The following CDKL2 variants were observed in gnomAD, a reference collection of about 807,000 sequenced individuals.
CDKL2 encodes the protein cyclin-dependent kinase-like 2.
A neutral mutation model predicts 63.9 loss-of-function variants in CDKL2; 64 were observed. That is an observed-to-expected ratio of 1.00 (90% CI 0.82 to 1.23). CDKL2 has a LOEUF of 1.23. Among genes scored for constraint, CDKL2 ranks in the 50% most tolerant of loss-of-function variants. CDKL2 has a pLI of 0.00. For missense variants in CDKL2, 656 were observed against 668.0 expected (o/e 0.98, Z 0.20); for synonymous variants, 211 against 229.2 (o/e 0.92, Z 0.72).
intron 6 of CDKL2, 34 bp downstream of exon 6, chr4:75,603,783 C>A: frequency 6.6e-7 from 1 of 1,507,256 alleles, no homozygotes; most frequent in Non-Finnish European, 8.9e-7. Context: ...GCATAAATTC[C>A]CTGTCATAAA....
At chr4:75,622,726 A>C (rs1730207887) in intron 2 of CDKL2, among the ~76,000 whole-genome samples, 1 of 147,942 alleles carries the variant, frequency 6.8e-6, no homozygotes, top group Admixed American at 6.7e-5. Context: ...AAAAAAAAAA[A>C]AAAAAAAAAA....
intron 3 of CDKL2, among the ~76,000 whole-genome samples, chr4:75,609,314 T>C (rs1253609150): frequency 6.6e-6 from 1 of 151,828 alleles, no homozygotes; most frequent in Non-Finnish European, 1.5e-5. Flanking sequence ...TCAGATAATA[T>C]TTAAAAATCT....
Position 75,592,252 on chromosome 4 carries a change from G to A in CDKL2, c.1434C>T (p.Asn478=), listed in dbSNP as rs1560575750. Residue 478 remains asparagine (N), a synonymous_variant, in exon 11 of 14, where the codon AAC becomes AAT. Transcript: ENST00000307465. ...TTCTTTTCTTACTTGCCCAAAAGAG[G>A]TTTTTTTCACTAGAGACCTAATATC... is the stretch of plus-strand genomic sequence containing the variant. ...NVTTLVSSEK[N]LFWASKKRRE... is the part of the protein sequence containing the mutation. The A allele has an allele frequency of 1.4e-5, 22 of 1,531,716 alleles. No individual in the cohort carries two copies. Among genetic ancestry groups the A allele is most frequent in the Non-Finnish European group, 1.8e-5 (21 of 1,145,732 alleles). The allele number at this position is 1,531,716 out of a possible 1,614,324, so 94.9% of individuals were successfully genotyped here.
At position 75,597,151 on chromosome 4, in the gene CDKL2, C is replaced by T; in HGVS notation, c.1106G>A (p.Gly369Asp). 6.2e-7 allele frequency: 1 copy of T among 1,613,734 alleles called. No individual in the cohort carries two copies. The highest frequency in any genetic ancestry group is 8.5e-7 in the Non-Finnish European group (1 of 1,179,722). Reference protein sequence around the residue: ...SKIDGEKAEKGNRASNASCLH... With the variant: ...SKIDGEKAEKDNRASNASCLH... ...ACAGCTGGCATTTGAAGCTCTATTG[C>T]CTTTTTCAGCTTTTTCTCCATCAAT... The change falls in exon 9 of 14, where the codon GGC (glycine) becomes GAC (aspartate). Residue 369 changes from glycine (G) to aspartate (D), a missense_variant. By Grantham distance (94) the Gly-to-Asp change is moderately conservative. Coordinates refer to ENST00000307465, the MANE Select transcript of CDKL2 (RefSeq NM_001330724.2).
At chr4:75,608,088 T>A (rs572162024) in intron 3 of CDKL2, among the ~76,000 whole-genome samples, 15 of 148,246 alleles carry the variant, frequency 1.0e-4, no homozygotes, top group African/African-American at 3.7e-4. Context: ...GTGCTGAGAT[T>A]ACAGGCGTGA....
intron 1 of CDKL2, among the ~76,000 whole-genome samples, chr4:75,626,930 G>GC (rs1730446881): frequency 6.6e-6 from 1 of 151,956 alleles, no homozygotes; most frequent in African/African-American, 2.4e-5. Context: ...CAGGCCAGGT[G>GC]CAGTGGCTCA....
chr4:75,628,470 G>T (rs1444730413), intron 1 of CDKL2, among the ~76,000 whole-genome samples: 1 of 152,162 alleles, frequency 6.6e-6, no homozygotes, highest in Non-Finnish European at 1.5e-5. Flanking sequence ...AATCCTAAGA[G>T]AATCTTTCTT....
rs562424615 is a variant in CDKL2, at chr4:75,613,031, C to T, written c.363+1224G>A. On this transcript the variant is annotated intron_variant, in intron 3 of 13. Transcript: ENST00000307465. ...TCCCAGCTACTCCGGAGGCTGAGGCCGGAGAATGGCGTGAGCCTGGGAGGC... is the reference window on the plus strand; with the variant it reads ...TCCCAGCTACTCCGGAGGCTGAGGCTGGAGAATGGCGTGAGCCTGGGAGGC... Among the ~76,000 whole-genome samples the T allele has an allele frequency of 2.0e-4, 30 of 151,482 alleles. No individual in the cohort carries two copies. In the East Asian group the frequency reaches 5.5e-3, roughly 28 times the overall value.
intron 6 of CDKL2, 68 bp from the exon 7 acceptor site, chr4:75,600,437 GA>G (rs1378099035): frequency 1.3e-5 from 14 of 1,040,066 alleles, no homozygotes; most frequent in Non-Finnish European, 1.8e-5. Flanking sequence ...TATAAATATA[GA>G]AAAAAAATCC....
intron 10 of CDKL2, among the ~76,000 whole-genome samples, chr4:75,595,203 CTTT>C (rs71203830): frequency 1.3e-4 from 18 of 135,254 alleles, no homozygotes; most frequent in Non-Finnish European, 1.9e-4. Context: ...TTTCTTTCTT[CTTT>C]TTTTTTTTTT....
At chr4:75,603,487 T>C (rs1437169040) in intron 6 of CDKL2, among the ~76,000 whole-genome samples, 2 of 150,304 alleles carry the variant, frequency 1.3e-5, no homozygotes, top group Non-Finnish European at 3.0e-5. Flanking sequence ...TCCCAGCACT[T>C]TGGGAGGCCG....
rs1008009791 is a variant in CDKL2, at chr4:75,601,641, T to C, written c.796-1272A>G. ...CTTTTCCGTTTGAAATTTTCCATAATAAAATGTTTTAAAAGTTTTATATGA... is the reference window on the plus strand; with the variant it reads ...CTTTTCCGTTTGAAATTTTCCATAACAAAATGTTTTAAAAGTTTTATATGA... On this transcript the variant is annotated intron_variant, in intron 6 of 13. Coordinates refer to ENST00000307465, the MANE Select transcript of CDKL2 (RefSeq NM_001330724.2). Among the ~76,000 whole-genome samples, 6 of 152,280 alleles carry C rather than the reference T, an allele frequency of 3.9e-5. No homozygotes were observed. The East Asian group carries it at 9.6e-4, about 24-fold the overall frequency.
In CDKL2 at chr4:75,576,938, C is replaced by T. The variant is rs1187879279; in HGVS notation, c.*2264G>A. Among the ~76,000 whole-genome samples, 1 of 152,142 alleles carries T rather than the reference C, an allele frequency of 6.6e-6. No individual in the cohort carries two copies. The highest frequency in any genetic ancestry group is 1.5e-5 in the Non-Finnish European group (1 of 68,010). On this transcript the variant is annotated 3_prime_UTR_variant, in exon 14 of 14. Transcript: ENST00000307465. ...CTTTATAAGAAATGTTATTTTATGA[C>T]CATGCTGCTTATATCACCAGCTATA...
rs138206309 is a variant in CDKL2, at chr4:75,603,308, G to T, written c.795+509C>A. On this transcript the variant is annotated intron_variant, in intron 6 of 13. Transcript: ENST00000307465. Reference sequence around the variant, plus strand: ...AGCCACCGCGCCCGGCCAATAAATGGTTTCTTAATGAGTGTTAAAACAGGT... The same window carrying T: ...AGCCACCGCGCCCGGCCAATAAATGTTTTCTTAATGAGTGTTAAAACAGGT... Among the ~76,000 whole-genome samples, 284 of 151,818 alleles carry T rather than the reference G, an allele frequency of 1.9e-3. 3 individuals carry two copies. Among genetic ancestry groups the T allele is most frequent in the African/African-American group, 6.6e-3 (272 of 41,426 alleles).
intron 3 of CDKL2, 62 bp from the exon 4 acceptor site, chr4:75,607,423 A>T: frequency 7.7e-7 from 1 of 1,299,010 alleles, no homozygotes; most frequent in Non-Finnish European, 1.1e-6. Context: ...GGCACCTGCT[A>T]TGTGCAGGGC....
At chr4:75,588,316 C>A (rs1427360683) in intron 12 of CDKL2, among the ~76,000 whole-genome samples, 1 of 151,582 alleles carries the variant, frequency 6.6e-6, no homozygotes, top group Non-Finnish European at 1.5e-5. Context: ...GAACAAATAA[C>A]ACCAACTTAT....
intron 2 of CDKL2, 121 bp downstream of exon 2, chr4:75,625,700 T>A: frequency 1.4e-6 from 1 of 695,428 alleles, no homozygotes; most frequent in African/African-American, 1.8e-5. Flanking sequence ...CAAACACTTT[T>A]AAAATCAGGT....
intron 3 of CDKL2, among the ~76,000 whole-genome samples, chr4:75,610,902 AG>A (rs1729660330): frequency 1.3e-5 from 2 of 152,344 alleles, no homozygotes; most frequent in African/African-American, 4.8e-5. Context: ...TACATTAAAA[AG>A]AGAAATGTTA....
In CDKL2 at chr4:75,576,813, A is replaced by AT. The variant is rs1340062887; in HGVS notation, c.*2388dup. ...TAATGAGAGTCACATAAGAAAACACATTTTCTATGTTCCATTTCAATGGGA... is the reference window on the plus strand; with the variant it reads ...TAATGAGAGTCACATAAGAAAACACATTTTTCTATGTTCCATTTCAATGGGA... On this transcript the variant is annotated 3_prime_UTR_variant, in exon 14 of 14. Transcript: ENST00000307465. Among the ~76,000 whole-genome samples, 6 of 152,172 alleles carry AT rather than the reference A, an allele frequency of 3.9e-5. No homozygotes were observed. Among genetic ancestry groups the AT allele is most frequent in the Non-Finnish European group, 7.4e-5 (5 of 68,022 alleles).
Sources: allele counts gnomAD v4.1 joint callset (sites outside exome capture counted in the v4.1 genomes callset), GRCh38; gene constraint gnomAD v4.1.1; transcripts MANE v1.5; gene names NCBI Gene and HGNC (gene_info 2026-07-23, HGNC 2026-07-21).